Variants in DTWD2 observed in about 807,000 individuals in gnomAD.
DTWD2 encodes the protein DTW motif tRNA-uridine aminocarboxypropyltransferase 2.
In DTWD2, 39 loss-of-function variants were observed where a neutral mutation model predicts 31.8. The observed-to-expected ratio is 1.22, with a 90% confidence interval of 0.95 to 1.60. The LOEUF (loss-of-function observed/expected upper bound fraction) is 1.60. DTWD2 is among the 40% of genes most tolerant of loss of function. DTWD2 has a pLI of 0.00. For missense variants in DTWD2, 515 were observed against 381.5 expected, an observed-to-expected ratio of 1.35 and a Z score of -2.92; for synonymous variants, 180 against 142.8, an observed-to-expected ratio of 1.26 and a Z score of -1.86.
chr5:118,890,028 T>C (rs1752945231), intron 4 of DTWD2, among the ~76,000 whole-genome samples: 1 of 152,182 alleles, frequency 6.6e-6, no homozygotes, highest in Non-Finnish European at 1.5e-5. Flanking sequence ...ATATAAAATA[T>C]CAATAAATAA....
chr5:118,857,146 A>C (rs1672783525), intron 4 of DTWD2, among the ~76,000 whole-genome samples: 1 of 152,076 alleles, frequency 6.6e-6, no homozygotes, highest in Non-Finnish European at 1.5e-5. Flanking sequence ...CATTAAAAAA[A>C]AGTTTGAAAA....
chr5:118,947,088 T>G (rs1337751113), intron 1 of DTWD2, among the ~76,000 whole-genome samples: 1 of 151,970 alleles, frequency 6.6e-6, no homozygotes, highest in Non-Finnish European at 1.5e-5. Context: ...AGCCCACAGC[T>G]CTCAACGCCT....
At chr5:118,968,640 T>A (rs930757769) in intron 1 of DTWD2, among the ~76,000 whole-genome samples, 4 of 152,116 alleles carry the variant, frequency 2.6e-5, no homozygotes, top group African/African-American at 9.7e-5. Flanking sequence ...GATCCCCCCC[T>A]GAGCCCACAC....
rs1024036745 is a variant in DTWD2, at chr5:118,974,012, G to A, written c.218+14282C>T. 3 of 1,602,260 alleles carry A rather than the reference G, an allele frequency of 1.9e-6. No homozygotes were observed. In the Admixed American group the frequency reaches 5.0e-5, roughly 27 times the overall value. ...GGAGGAAGAAGGTGATGGTGAGGAA[G>A]AGGATGGAGATGAAGATGAGGAAGC... On this transcript the variant is annotated intron_variant, in intron 1 of 5. Coordinates refer to ENST00000510708, the MANE Select transcript of DTWD2 (RefSeq NM_173666.4).
intron 4 of DTWD2, among the ~76,000 whole-genome samples, chr5:118,904,453 A>AT (rs1396432680): frequency 6.6e-6 from 1 of 152,100 alleles, no homozygotes; most frequent in African/African-American, 2.4e-5. Flanking sequence ...GAATGGCACC[A>AT]TTTTTTGTAT....
chr5:118,876,387 G>A (rs972121101), intron 4 of DTWD2, among the ~76,000 whole-genome samples: 5 of 151,858 alleles, frequency 3.3e-5, no homozygotes, highest in South Asian at 2.1e-4. Context: ...ATGAAAAACC[G>A]TGAATTGAAG....
At chr5:118,964,070 C>T (rs929055421) in intron 1 of DTWD2, among the ~76,000 whole-genome samples, 4 of 151,830 alleles carry the variant, frequency 2.6e-5, no homozygotes, top group Non-Finnish European at 5.9e-5. Context: ...ATTAGCCAGG[C>T]GTGGTGGCTC....
intron 1 of DTWD2, among the ~76,000 whole-genome samples, chr5:118,954,810 C>T (rs1754548812): frequency 6.6e-6 from 1 of 152,084 alleles, no homozygotes; most frequent in African/African-American, 2.4e-5. Flanking sequence ...CGTGAGCCAC[C>T]GTGCCCAGCC....
intron 1 of DTWD2, among the ~76,000 whole-genome samples, chr5:118,980,419 G>C (rs1002058273): frequency 6.6e-6 from 1 of 152,162 alleles, no homozygotes; most frequent in Admixed American, 6.6e-5. Context: ...CTTTGTCTTT[G>C]GCCCAGGAAT....
chr5:118,928,579 C>T lies in DTWD2; in HGVS notation c.555G>A (p.Lys185=). The change falls in exon 4 of 6, where the codon AAG becomes AAA. Residue 185 remains lysine (K), a synonymous_variant. Coordinates refer to ENST00000510708, the MANE Select transcript of DTWD2 (RefSeq NM_173666.4). ...IIIDGTWSQA[K]DIFYKNSLFR... is the part of the protein sequence containing the mutation. ...ACAAGGAGTTCTTATAGAAAATGTC[C>T]TTAGCCTGGCTCCATGTACCATCAA... The T allele has an allele frequency of 1.3e-6, 2 of 1,553,562 alleles. No homozygotes were observed. Among genetic ancestry groups the T allele is most frequent in the Admixed American group, 1.8e-5 (1 of 54,852 alleles).
At chr5:118,948,495 A>C (rs1391450242) in intron 1 of DTWD2, among the ~76,000 whole-genome samples, 1 of 152,140 alleles carries the variant, frequency 6.6e-6, no homozygotes, top group East Asian at 1.9e-4. Context: ...AAACAAAAAC[A>C]AAAACAAACT....
intron 4 of DTWD2, among the ~76,000 whole-genome samples, chr5:118,902,864 T>C (rs886796292): frequency 6.6e-6 from 1 of 152,110 alleles, no homozygotes; most frequent in East Asian, 1.9e-4. Flanking sequence ...TCTAAGCTTA[T>C]GAATCATTAC....
chr5:118,981,203 A>C (rs973073186), intron 1 of DTWD2, among the ~76,000 whole-genome samples: 2 of 152,224 alleles, frequency 1.3e-5, no homozygotes, highest in African/African-American at 2.4e-5. Flanking sequence ...GAAAAATAGG[A>C]AATTACAGTG....
intron 4 of DTWD2, among the ~76,000 whole-genome samples, chr5:118,861,790 T>C (rs1313854673): frequency 6.6e-6 from 1 of 152,086 alleles, no homozygotes; most frequent in African/African-American, 2.4e-5. Flanking sequence ...TACTTAGTGG[T>C]AGGTCCCAAA....
chr5:118,850,477 CAAAAAAA>C (rs34808087), intron 4 of DTWD2, among the ~76,000 whole-genome samples: 65 of 30,460 alleles, frequency 2.1e-3, no homozygotes, highest in Admixed American at 3.7e-3. Flanking sequence ...GACCCCACCA[CAAAAAAA>C]AAAAAAAAAA....
At chr5:118,862,037 G>C (rs1009975033) in intron 4 of DTWD2, among the ~76,000 whole-genome samples, 1 of 152,202 alleles carries the variant, frequency 6.6e-6, no homozygotes, top group Admixed American at 6.5e-5. Flanking sequence ...CAGCAGGTGG[G>C]TGAGCAGGCA....
intron 1 of DTWD2, among the ~76,000 whole-genome samples, chr5:118,972,601 G>A (rs533959298): frequency 6.6e-6 from 1 of 152,282 alleles, no homozygotes; most frequent in African/African-American, 2.4e-5. Flanking sequence ...TTGAAAAGAA[G>A]GAACTCCTCC....
At chr5:118,883,402 C>A (rs979855670) in intron 4 of DTWD2, among the ~76,000 whole-genome samples, 11 of 152,196 alleles carry the variant, frequency 7.2e-5, no homozygotes, top group African/African-American at 2.7e-4. Context: ...CTGCCTGTTA[C>A]CAAATTCCAA....
Position 118,840,207 on chromosome 5 carries a change from A to G in DTWD2, c.*710T>C, listed in dbSNP as rs1751677830. On this transcript the variant is annotated 3_prime_UTR_variant, in exon 6 of 6. Transcript: ENST00000510708. Reference sequence around the variant, plus strand: ...TATCATATTCCACTTATTATTTTCCATATGAAAACATCAATAAAATAAGTT... The same window carrying G: ...TATCATATTCCACTTATTATTTTCCGTATGAAAACATCAATAAAATAAGTT... 1 of 152,226 alleles carries G rather than the reference A, an allele frequency of 6.6e-6. No individual in the cohort carries two copies. Among genetic ancestry groups the G allele is most frequent in the South Asian group, 2.1e-4 (1 of 4,836 alleles). The allele number at this position is 152,226 out of a possible 1,614,324, so 9.4% of individuals were successfully genotyped here.
Sources: gnomAD v4.1 joint callset for allele counts (sites outside exome capture counted in the v4.1 genomes callset) on GRCh38, gnomAD v4.1.1 for gene constraint, MANE v1.5 for transcripts, NCBI Gene and HGNC (gene_info 2026-07-23, HGNC 2026-07-21) for gene names.